Variants in KIF18A observed in about 807,000 individuals in gnomAD.
KIF18A encodes the protein kinesin family member 18A, also known as kinesin-like protein KIF18A.
In KIF18A, 67 loss-of-function variants were observed where a neutral mutation model predicts 103.3. That is an observed-to-expected ratio of 0.65 (90% CI 0.53 to 0.79). The LOEUF is 0.79. Among genes scored for constraint, KIF18A ranks in the 30% least tolerant of loss-of-function variants. The pLI, the probability that KIF18A is intolerant of heterozygous loss-of-function variation, is 0.00. For missense variants in KIF18A, 1,032 were observed against 1,062.5 expected (o/e 0.97, Z 0.40); for synonymous variants, 367 against 355.5 (o/e 1.03, Z -0.36).
intron 13 of KIF18A, among the ~76,000 whole-genome samples, chr11:28,056,009 C>T (rs1411767588): frequency 3.9e-5 from 6 of 151,998 alleles, no homozygotes; most frequent in Non-Finnish European, 5.9e-5. Context: ...TTGCACACAA[C>T]CTATACAATC....
intron 13 of KIF18A, among the ~76,000 whole-genome samples, chr11:28,042,442 G>A (rs988311239): frequency 1.3e-5 from 2 of 151,810 alleles, no homozygotes; most frequent in Non-Finnish European, 2.9e-5. Context: ...CAGATACAAG[G>A]TCTAATTGCT....
rs147355779 is a variant in KIF18A, at chr11:28,101,018, A to T, written c.-46-3025T>A. Among the ~76,000 whole-genome samples the T allele has an allele frequency of 1.8e-4, 28 of 152,280 alleles. No individual in the cohort carries two copies. The East Asian group carries it at 5.4e-3, about 29-fold the overall frequency. On this transcript the variant is annotated intron_variant, in intron 1 of 16. Transcript: ENST00000263181. ...AGTATTAAGGTATTCAGTAAATACC[A>T]ATTCTCTTCCTATCTGCCCCACTCC...
At chr11:28,058,800 C>T in intron 13 of KIF18A, 126 bp downstream of exon 13, 1 of 671,220 alleles carries the variant, frequency 1.5e-6, no homozygotes, top group Non-Finnish European at 2.5e-6. Flanking sequence ...GACTATAAAG[C>T]TAATTTTCCC....
intron 6 of KIF18A, among the ~76,000 whole-genome samples, chr11:28,085,110 G>A (rs1851210593): frequency 1.3e-5 from 2 of 152,198 alleles, no homozygotes; most frequent in Non-Finnish European, 2.9e-5. Context: ...CGGGTATGGG[G>A]TCAGCTGCTG....
At chr11:28,084,027 G>A (rs1171076762) in intron 7 of KIF18A, among the ~76,000 whole-genome samples, 1 of 151,938 alleles carries the variant, frequency 6.6e-6, no homozygotes, top group Admixed American at 6.6e-5. Context: ...TACATATTTT[G>A]ATATACATGT....
At chr11:28,031,370 A>C (rs1050520371) in intron 15 of KIF18A, among the ~76,000 whole-genome samples, 3 of 152,176 alleles carry the variant, frequency 2.0e-5, no homozygotes, top group Non-Finnish European at 2.9e-5. Context: ...GGATGAGTTC[A>C]TGTCCTTTGT....
intron 10 of KIF18A, among the ~76,000 whole-genome samples, chr11:28,073,892 T>C (rs928683108): frequency 5.2e-4 from 79 of 152,308 alleles, no homozygotes; most frequent in African/African-American, 1.7e-3. Context: ...GTTAAGTCAA[T>C]ATCAGCTTCC....
chr11:28,083,158 AAC>A lies in KIF18A; in HGVS notation c.1149+9_1149+10del, dbSNP rs1851186745. ...TGCGCAAGACTAGCATAAAAATATA[AAC>A]AGACATACCTCTGCCTTCTGCTCAT... is the stretch of plus-strand genomic sequence containing the variant. On this transcript the variant is annotated intron_variant, in intron 8 of 16. Coordinates refer to ENST00000263181, the MANE Select transcript of KIF18A (RefSeq NM_031217.4). 1.3e-6 allele frequency: 2 copies of A among 1,574,422 alleles called. No homozygotes were observed. The highest frequency in any genetic ancestry group is 1.7e-6 in the Non-Finnish European group (2 of 1,168,796).
intron 11 of KIF18A, 145 bp downstream of exon 11, chr11:28,069,112 GAA>G: frequency 1.5e-6 from 1 of 655,638 alleles, no homozygotes. Context: ...CAATCACTTA[GAA>G]ATAACATTTA....
intron 15 of KIF18A, among the ~76,000 whole-genome samples, chr11:28,029,710 T>C (rs1850370257): frequency 6.6e-6 from 1 of 150,418 alleles, no homozygotes; most frequent in African/African-American, 2.4e-5. Flanking sequence ...AAATAAAAGG[T>C]ATTCAATTAG....
chr11:28,062,892 C>T (rs1850873225), intron 11 of KIF18A, among the ~76,000 whole-genome samples: 2 of 152,038 alleles, frequency 1.3e-5, no homozygotes, highest in African/African-American at 4.8e-5. Flanking sequence ...CTCCACCCCT[C>T]AATATTGTCA....
At chr11:28,036,749 T>TA (rs1850498389) in intron 13 of KIF18A, 85 bp from the exon 14 acceptor site, 1 of 753,132 alleles carries the variant, frequency 1.3e-6, no homozygotes, top group Non-Finnish European at 2.0e-6. Flanking sequence ...TAAGAAACCC[T>TA]AATAATAAGG....
chr11:28,070,018 TTAGTCTTTG>T (rs538524313), intron 10 of KIF18A, among the ~76,000 whole-genome samples: 1 of 152,120 alleles, frequency 6.6e-6, no homozygotes, highest in Non-Finnish European at 1.5e-5. Flanking sequence ...GAAATTAAAA[TTAGTCTTTG>T]ATTTCTTACC....
At chr11:28,045,707 T>C (rs986477184) in intron 13 of KIF18A, among the ~76,000 whole-genome samples, 1 of 152,090 alleles carries the variant, frequency 6.6e-6, no homozygotes, top group Non-Finnish European at 1.5e-5. Context: ...TCATCTCTCA[T>C]GATTAGAAGT....
Position 28,090,183 on chromosome 11 carries a change from A to G in KIF18A, c.699+434T>C, listed in dbSNP as rs555569418. Among the ~76,000 whole-genome samples the G allele has an allele frequency of 1.2e-4, 18 of 152,274 alleles. No homozygotes were observed. The South Asian group carries it at 3.5e-3, about 30-fold the overall frequency. On this transcript the variant is annotated intron_variant, in intron 5 of 16. Transcript: ENST00000263181. ...TTCTGGAATTGTATTCCTAAGACTT[A>G]CTGTGCCAACTGAATCATACTTCCT...
intron 9 of KIF18A, among the ~76,000 whole-genome samples, chr11:28,078,464 T>C (rs1042739110): frequency 6.6e-6 from 1 of 152,166 alleles, no homozygotes. Flanking sequence ...AGACTTATTT[T>C]AGGTGGTGGT....
rs548591061 is a variant in KIF18A at position 28,080,320 on chromosome 11, C to CCTTG, written c.1262+2532_1262+2535dup. The stretch of plus-strand genomic sequence containing the variant: ...AGTTGAGAATATATATACAGGCATA[C>CCTTG]CTTGTTTTATTGTGCTTTGCAGACA... On this transcript the variant is annotated intron_variant, in intron 9 of 16. Transcript: ENST00000263181. Among the ~76,000 whole-genome samples the CCTTG allele has an allele frequency of 1.1e-4, 17 of 150,494 alleles. No homozygotes were observed. In the South Asian group the frequency reaches 3.6e-3, roughly 32 times the overall value.
rs187205114 is a variant in KIF18A at position 28,094,055 on chromosome 11, T to G, written c.483+588A>C. Reference sequence around the variant, plus strand: ...AGTAAGAAGTGAACATCACTTTGCTTGTGTTACTGTCAGTGCATAATCTGA... The same window carrying G: ...AGTAAGAAGTGAACATCACTTTGCTGGTGTTACTGTCAGTGCATAATCTGA... On this transcript the variant is annotated intron_variant, in intron 3 of 16. Coordinates refer to ENST00000263181, the MANE Select transcript of KIF18A (RefSeq NM_031217.4). Among the ~76,000 whole-genome samples the G allele has an allele frequency of 1.9e-3, 294 of 152,322 alleles. 1 individual carries two copies. Among genetic ancestry groups the G allele is most frequent in the Middle Eastern group, 3.4e-3 (1 of 294 alleles).
chr11:28,038,436 G>A (rs749381129), intron 13 of KIF18A, among the ~76,000 whole-genome samples: 2 of 151,596 alleles, frequency 1.3e-5, no homozygotes, highest in Non-Finnish European at 3.0e-5. Context: ...TTTGCTTGGA[G>A]TGTACGGTCA....
Sources: gnomAD v4.1 joint callset for allele counts (sites outside exome capture counted in the v4.1 genomes callset) on GRCh38, gnomAD v4.1.1 for gene constraint, MANE v1.5 for transcripts, NCBI Gene and HGNC (gene_info 2026-07-23, HGNC 2026-07-21) for gene names.